The following GNG12 variants were observed in gnomAD, a reference collection of about 807,000 sequenced individuals.
GNG12 encodes the protein G protein subunit gamma 12.
For missense variants in GNG12, 69 were observed against 83.8 expected (o/e 0.82, Z 0.69); for synonymous variants, 28 against 29.7 (o/e 0.94, Z 0.19).
intron 1 of GNG12, among the ~76,000 whole-genome samples, chr1:67,796,019 C>G (rs1436824718): frequency 6.6e-6 from 1 of 152,198 alleles, no homozygotes; most frequent in Non-Finnish European, 1.5e-5. Flanking sequence ...TGTTTAATCT[C>G]CATACCCTTC....
intron 1 of GNG12, among the ~76,000 whole-genome samples, chr1:67,794,635 A>G (rs149536916): frequency 1.1e-4 from 17 of 152,322 alleles, no homozygotes; most frequent in African/African-American, 3.4e-4. Context: ...TTAGGGCCAA[A>G]TTAGTTCAGC....
At chr1:67,754,968 C>T (rs1037043684) in intron 2 of GNG12, among the ~76,000 whole-genome samples, 17 of 152,372 alleles carry the variant, frequency 1.1e-4, no homozygotes, top group Middle Eastern at 3.4e-3. Flanking sequence ...TGGCCCCAGA[C>T]CACTTCTGAG....
At chr1:67,807,073 A>T (rs1646898032) in intron 1 of GNG12, among the ~76,000 whole-genome samples, 1 of 152,200 alleles carries the variant, frequency 6.6e-6, no homozygotes, top group Admixed American at 6.5e-5. Context: ...AAAGGATATA[A>T]ACCATACAAT....
chr1:67,814,863 G>A (rs754288712), intron 1 of GNG12, among the ~76,000 whole-genome samples: 7 of 152,216 alleles, frequency 4.6e-5, no homozygotes, highest in Non-Finnish European at 8.8e-5. Context: ...GAGTTGTACT[G>A]TCTTCTGTAA....
intron 2 of GNG12, among the ~76,000 whole-genome samples, chr1:67,768,932 G>A (rs1646656644): frequency 6.6e-6 from 1 of 152,162 alleles, no homozygotes; most frequent in Non-Finnish European, 1.5e-5. Flanking sequence ...CAGGGGAGTT[G>A]AGTTCTGCTA....
In GNG12 at chr1:67,756,664, T is replaced by C. The variant is rs546594966; in HGVS notation, c.-27+20794A>G. ...TGTGATGTGACGCTCCGCCTCCTCATTTACCACATCTCACAGTTAGGTGAG... is the reference window on the plus strand; with the variant it reads ...TGTGATGTGACGCTCCGCCTCCTCACTTACCACATCTCACAGTTAGGTGAG... On this transcript the variant is annotated intron_variant, in intron 2 of 3. Coordinates refer to ENST00000370982, the MANE Select transcript of GNG12 (RefSeq NM_018841.6). 7.2e-5 allele frequency among the ~76,000 whole-genome samples: 11 copies of C among 152,316 alleles called. No individual in the cohort carries two copies. In the East Asian group the frequency reaches 2.1e-3, roughly 29 times the overall value.
chr1:67,821,163 T>A (rs989827361), intron 1 of GNG12, among the ~76,000 whole-genome samples: 31 of 152,210 alleles, frequency 2.0e-4, no homozygotes, highest in African/African-American at 7.0e-4. Flanking sequence ...TCTTAATCCC[T>A]GCAACATGTG....
intron 2 of GNG12, among the ~76,000 whole-genome samples, chr1:67,754,321 C>G (rs1316386852): frequency 6.6e-6 from 1 of 152,142 alleles, no homozygotes; most frequent in Non-Finnish European, 1.5e-5. Context: ...CACAAACCTC[C>G]GCCTATTGTT....
At chr1:67,820,949 AATG>A (rs908239011) in intron 1 of GNG12, among the ~76,000 whole-genome samples, 9 of 152,244 alleles carry the variant, frequency 5.9e-5, no homozygotes, top group Admixed American at 5.9e-4. Flanking sequence ...CCACTATGAT[AATG>A]ATGTCAATTA....
At chr1:67,766,620 TTC>T (rs1491374639) in intron 2 of GNG12, among the ~76,000 whole-genome samples, 2 of 151,652 alleles carry the variant, frequency 1.3e-5, no homozygotes, top group African/African-American at 2.4e-5. Context: ...TTTTTTTTTT[TTC>T]CAGGAGAATT....
At chr1:67,784,526 A>AG (rs1646756659) in intron 1 of GNG12, among the ~76,000 whole-genome samples, 1 of 151,838 alleles carries the variant, frequency 6.6e-6, no homozygotes, top group Non-Finnish European at 1.5e-5. Context: ...TTAAAAAAAA[A>AG]GACTTTTATT....
chr1:67,738,376 A>G (rs1646464058), intron 2 of GNG12, among the ~76,000 whole-genome samples: 1 of 152,220 alleles, frequency 6.6e-6, no homozygotes, highest in Admixed American at 6.5e-5. Flanking sequence ...GATTAGATAT[A>G]CATAACTGAA....
chr1:67,807,313 A>C (rs1646899242), intron 1 of GNG12, among the ~76,000 whole-genome samples: 1 of 152,094 alleles, frequency 6.6e-6, no homozygotes, highest in Admixed American at 6.5e-5. Context: ...ACAGCATTAA[A>C]TACATATATC....
intron 2 of GNG12, among the ~76,000 whole-genome samples, chr1:67,767,805 G>A (rs971823713): frequency 6.6e-6 from 1 of 152,188 alleles, no homozygotes; most frequent in Non-Finnish European, 1.5e-5. Flanking sequence ...GTTTTCACAT[G>A]TGCTACAGTT....
At chr1:67,710,633 A>T (rs565898699) in intron 2 of GNG12, among the ~76,000 whole-genome samples, 53 of 152,276 alleles carry the variant, frequency 3.5e-4, no homozygotes, top group African/African-American at 1.2e-3. Context: ...CATTTAGTAC[A>T]TGAAGGTCTT....
chr1:67,772,062 A>G (rs561985797), intron 2 of GNG12, among the ~76,000 whole-genome samples: 1 of 152,320 alleles, frequency 6.6e-6, no homozygotes, highest in Non-Finnish European at 1.5e-5. Context: ...AAACAATTAG[A>G]GTAAGTCTGA....
chr1:67,707,786 A>G (rs1276553793), intron 2 of GNG12, 74 bp from the exon 3 acceptor site: 2 of 720,448 alleles, frequency 2.8e-6, no homozygotes, highest in Non-Finnish European at 4.6e-6. Flanking sequence ...AATATGTTCT[A>G]CTTAAAGGGA....
intron 2 of GNG12, among the ~76,000 whole-genome samples, chr1:67,711,081 C>G: frequency 6.6e-6 from 1 of 152,178 alleles, no homozygotes; most frequent in East Asian, 1.9e-4. Flanking sequence ...TCTGCTGGTA[C>G]AAACATGGAT....
intron 1 of GNG12, among the ~76,000 whole-genome samples, chr1:67,823,869 G>T (rs1320154023): frequency 6.6e-6 from 1 of 152,160 alleles, no homozygotes; most frequent in African/African-American, 2.4e-5. Flanking sequence ...GTTTGTAATA[G>T]CAAAAGACTG....
Sources: gnomAD v4.1 joint callset for allele counts (sites outside exome capture counted in the v4.1 genomes callset) on GRCh38, gnomAD v4.1.1 for gene constraint, MANE v1.5 for transcripts, NCBI Gene and HGNC (gene_info 2026-07-23, HGNC 2026-07-21) for gene names.